SI: variants seen among roughly 807,000 people sequenced by gnomAD.
SI encodes sucrase-isomaltase, intestinal.
A neutral mutation model predicts 253.3 loss-of-function variants in SI; 235 were observed. That is an observed-to-expected ratio of 0.93 (90% CI 0.83 to 1.03). SI has a LOEUF of 1.03. SI is among the 50% of genes least tolerant of loss of function. The probability of loss-of-function intolerance (pLI) is 0.00; values close to 1 mark genes in which losing one functional copy is unlikely to be tolerated. For synonymous variants in SI, 819 were observed against 712.0 expected (o/e 1.15, Z -2.39); for missense variants, 2,442 against 2,211.1 (o/e 1.10, Z -2.09).
the SI span, among the ~76,000 whole-genome samples, chr3:165,090,159 A>AAG: frequency 4.5e-3 from 658 of 147,742 alleles, 2 homozygotes; most frequent in African/African-American, 0.015. Flanking sequence ...TAAAAAAAAA[A>AAG]AGAGAGAGAG....
intron 13 of SI, among the ~76,000 whole-genome samples, chr3:165,051,258 T>C (rs1713414078): frequency 1.3e-5 from 2 of 152,062 alleles, no homozygotes; most frequent in South Asian, 2.1e-4. Context: ...GGAAATTTGA[T>C]ACATGGAATT....
chr3:165,065,952 G>T (rs1714226281), intron 6 of SI, among the ~76,000 whole-genome samples: 1 of 151,838 alleles, frequency 6.6e-6, no homozygotes, highest in Admixed American at 6.6e-5. Context: ...TTTATGATTT[G>T]TATGCTTTTA....
chr3:165,072,877 A>G (rs759101695), intron 3 of SI, among the ~76,000 whole-genome samples: 1 of 152,152 alleles, frequency 6.6e-6, no homozygotes, highest in Non-Finnish European at 1.5e-5. Context: ...AAAAATGTCA[A>G]GAAAACACTC....
At chr3:164,985,634 C>T (rs79470798) in intron 45 of SI, among the ~76,000 whole-genome samples, 7,351 of 152,070 alleles carry the variant, frequency 0.048, 606 homozygotes, top group African/African-American at 0.17. Context: ...CTATTATCTT[C>T]GGATAAGTTA....
chr3:165,014,386 C>T (rs1462055683), intron 33 of SI, among the ~76,000 whole-genome samples: 3 of 152,032 alleles, frequency 2.0e-5, no homozygotes, highest in Non-Finnish European at 4.4e-5. Flanking sequence ...GTAGCTGGGA[C>T]TACAGGCACC....
At chr3:164,985,584 T>C (rs1717395938) in intron 45 of SI, among the ~76,000 whole-genome samples, 1 of 152,184 alleles carries the variant, frequency 6.6e-6, no homozygotes, top group Admixed American at 6.5e-5. Context: ...TGATTTACCT[T>C]TAAGATAAAA....
chr3:165,073,085 C>T, intron 3 of SI, among the ~76,000 whole-genome samples: 1 of 151,796 alleles, frequency 6.6e-6, no homozygotes, highest in African/African-American at 2.4e-5. Context: ...AAAATGTAAA[C>T]CACTGACTTT....
intron 18 of SI, among the ~76,000 whole-genome samples, chr3:165,040,452 T>A (rs1712760616): frequency 6.6e-6 from 1 of 152,092 alleles, no homozygotes; most frequent in African/African-American, 2.4e-5. Flanking sequence ...CGGAAATCTT[T>A]CATGTTCTAC....
intron 24 of SI, 88 bp from the exon 25 acceptor site, chr3:165,030,955 AT>A: frequency 6.9e-7 from 1 of 1,448,574 alleles, no homozygotes; most frequent in Non-Finnish European, 9.1e-7. Flanking sequence ...TCATTGGATG[AT>A]TTAAAAAAAC....
intron 40 of SI, among the ~76,000 whole-genome samples, chr3:164,994,818 G>C (rs990509985): frequency 6.6e-6 from 1 of 151,508 alleles, no homozygotes; most frequent in Non-Finnish European, 1.5e-5. Context: ...GCACATTGTG[G>C]GTTCTCAGGA....
chr3:165,074,710 A>T, intron 2 of SI, 43 bp from the exon 3 acceptor site: 1 of 1,496,956 alleles, frequency 6.7e-7, no homozygotes, highest in Non-Finnish European at 9.3e-7. Context: ...ATGACATTAA[A>T]TTAATTTTCT....
In SI at chr3:165,065,339, T is replaced by C. The variant is rs767160684; in HGVS notation, c.729A>G (p.Glu243=). The C allele has an allele frequency of 4.4e-6, 7 of 1,603,108 alleles. No individual in the cohort carries two copies. In the South Asian group the frequency reaches 6.6e-5, roughly 15 times the overall value. Residue 243 remains glutamate, a synonymous_variant, in exon 7 of 48, where the codon GAA becomes GAG. Coordinates refer to ENST00000264382, the MANE Select transcript of SI (RefSeq NM_001041.4). The stretch of plus-strand genomic sequence containing the variant: ...CATGACGAAATCTCTTATGAACTTG[T>C]TCTCCAATACCATAAATATAATCAC... ...LPSDYIYGIG[E]QVHKRFRHDL...
At chr3:165,028,658 C>T (rs371189495) in intron 25 of SI, among the ~76,000 whole-genome samples, 1 of 150,010 alleles carries the variant, frequency 6.7e-6, no homozygotes, top group South Asian at 2.1e-4. Flanking sequence ...ACCTGATCTT[C>T]GATAAAGCAG....
intron 33 of SI, among the ~76,000 whole-genome samples, 172 bp from the exon 34 acceptor site, chr3:165,013,214 T>C (rs963468533): frequency 6.6e-6 from 1 of 152,130 alleles, no homozygotes; most frequent in Non-Finnish European, 1.5e-5. Flanking sequence ...TGCAAACTAT[T>C]CCCATTTTCC....
rs1718661487 is a variant in SI at position 165,009,363 on chromosome 3, G to GA, written c.4094dup (p.Phe1366LeufsTer19). On this transcript the variant is annotated frameshift_variant, in exon 35 of 48. Transcript: ENST00000264382. LOFTEE classifies it high-confidence loss of function. ...ACCACTCTGCTGTGGAAGTCCTGAA[G>GA]AAATCTGGGAAAGCTACATGAGCTC... 2.5e-6 allele frequency: 4 copies of GA among 1,613,466 alleles called. No individual in the cohort carries two copies. Among genetic ancestry groups the GA allele is most frequent in the Non-Finnish European group, 3.4e-6 (4 of 1,179,568 alleles).
chr3:165,078,868 C>A (rs568407416), upstream of SI, among the ~76,000 whole-genome samples: 205 of 151,400 alleles, frequency 1.4e-3, 1 homozygote, highest in African/African-American at 4.5e-3. Context: ...AAGACAGAAT[C>A]TGTGAAAAAT....
intron 23 of SI, 70 bp downstream of exon 23, chr3:165,033,325 T>G (rs1712347605): frequency 1.5e-6 from 2 of 1,362,264 alleles, no homozygotes; most frequent in Non-Finnish European, 1.9e-6. Flanking sequence ...TCCAAAAAAT[T>G]TATCATAAAA....
At position 164,994,341 on chromosome 3, in the gene SI, C is replaced by G. The variant is rs1717914510; in HGVS notation, c.4757G>C (p.Arg1586Thr). The G allele has an allele frequency of 6.2e-7, 1 of 1,610,702 alleles. No individual in the cohort carries two copies. The highest frequency in any genetic ancestry group is 8.5e-7 in the Non-Finnish European group (1 of 1,177,712). The change falls in exon 41 of 48, where the codon AGA (arginine) becomes ACA (threonine). Residue 1586 changes from arginine to threonine, a missense_variant. Transcript: ENST00000264382. ...GTAAAAATAGGGCAATAAGGTGTAT[C>G]TAATATTTAGAATATTCCTTGACAT... Reference protein sequence around the residue: ...AEMSRNILNIRYTLLPYFYTQ... With the variant: ...AEMSRNILNITYTLLPYFYTQ...
chr3:165,057,165 GAAACTTGAGCTGAAA>G (rs1293367252), intron 12 of SI, among the ~76,000 whole-genome samples: 1 of 151,780 alleles, frequency 6.6e-6, no homozygotes, highest in Non-Finnish European at 1.5e-5. Context: ...GAATCAAGCA[GAAACTTGAGCTGAAA>G]ACTGCAATGG....
Sources: allele counts gnomAD v4.1 joint callset (sites outside exome capture counted in the v4.1 genomes callset), GRCh38; gene constraint gnomAD v4.1.1; transcripts MANE v1.5; gene names NCBI Gene and HGNC (gene_info 2026-07-23, HGNC 2026-07-21).